Variants in APBB2 observed in about 807,000 individuals in gnomAD.
APBB2 encodes amyloid beta precursor protein binding family B member 2, also known as Fe65-like 1.
APBB2 carries 38 observed loss-of-function variants against 82.5 expected under a neutral mutation model. That is an observed-to-expected ratio of 0.46 (90% CI 0.36 to 0.60). The LOEUF is 0.60. Among genes scored for constraint, APBB2 ranks in the 20% least tolerant of loss-of-function variants. APBB2 has a pLI of 0.00. For synonymous variants in APBB2, 341 were observed against 368.2 expected, an observed-to-expected ratio of 0.93 and a Z score of 0.85; for missense variants, 772 against 972.3, an observed-to-expected ratio of 0.79 and a Z score of 2.74.
chr4:40,815,995 A>G lies in APBB2; in HGVS notation c.*97T>C. 1 of 1,393,104 alleles carries G rather than the reference A, an allele frequency of 7.2e-7. No homozygotes were observed. The highest frequency in any genetic ancestry group is 9.9e-7 in the Non-Finnish European group (1 of 1,005,644). The allele number at this position is 1,393,104 out of a possible 1,614,324, so 86.3% of individuals were successfully genotyped here. ...AGGGTAAATTCTCTGAAGACAAAGC[A>G]TCAGCAACTGGATGGAAGGTCGGAT... On this transcript the variant is annotated 3_prime_UTR_variant, in exon 18 of 18. Coordinates refer to ENST00000508593, the MANE Select transcript of APBB2 (RefSeq NM_004307.2).
At chr4:40,912,799 A>G (rs1778899486) in intron 10 of APBB2, among the ~76,000 whole-genome samples, 1 of 152,132 alleles carries the variant, frequency 6.6e-6, no homozygotes, top group South Asian at 2.1e-4. Context: ...GTAAGGGCCC[A>G]TGGAAGTCGA....
chr4:41,106,837 T>C (rs914875470), intron 2 of APBB2, among the ~76,000 whole-genome samples: 5 of 152,140 alleles, frequency 3.3e-5, no homozygotes, highest in Non-Finnish European at 7.4e-5. Flanking sequence ...TAAATACTTT[T>C]GCTTACTGGA....
intron 12 of APBB2, among the ~76,000 whole-genome samples, chr4:40,865,761 A>T (rs1763903224): frequency 6.6e-6 from 1 of 152,244 alleles, no homozygotes; most frequent in South Asian, 2.1e-4. Context: ...ACAATTTTTT[A>T]AATGGGCAAT....
At chr4:41,196,982 C>G in intron 1 of APBB2, among the ~76,000 whole-genome samples, 1 of 152,062 alleles carries the variant, frequency 6.6e-6, no homozygotes, top group Non-Finnish European at 1.5e-5. Flanking sequence ...TAGTTCTGAA[C>G]ATAGACTGAT....
intron 4 of APBB2, among the ~76,000 whole-genome samples, chr4:41,059,764 A>C (rs986764101): frequency 6.6e-6 from 1 of 152,128 alleles, no homozygotes; most frequent in African/African-American, 2.4e-5. Context: ...ATGTGGGTAA[A>C]TCTCTGTTCG....
intron 10 of APBB2, among the ~76,000 whole-genome samples, chr4:40,932,879 T>C (rs762332445): frequency 6.2e-4 from 94 of 151,714 alleles, no homozygotes; most frequent in Non-Finnish European, 1.0e-3. Flanking sequence ...TTTGTTTTGT[T>C]TCGAGATGGA....
At chr4:41,121,646 G>C (rs1347988589) in intron 2 of APBB2, among the ~76,000 whole-genome samples, 1 of 152,190 alleles carries the variant, frequency 6.6e-6, no homozygotes, top group Non-Finnish European at 1.5e-5. Flanking sequence ...ACAACAGGCT[G>C]TCTTGCCCAC....
At chr4:40,930,439 G>T (rs1473617955) in intron 10 of APBB2, among the ~76,000 whole-genome samples, 1 of 40,950 alleles carries the variant, frequency 2.4e-5, no homozygotes, top group Admixed American at 3.2e-4. Context: ...GTGTGTGTGT[G>T]TGTGTGTGTG....
At chr4:40,857,759 C>G (rs1761745179) in intron 12 of APBB2, among the ~76,000 whole-genome samples, 1 of 150,690 alleles carries the variant, frequency 6.6e-6, no homozygotes, top group Non-Finnish European at 1.5e-5. Flanking sequence ...GGTGAGCCAC[C>G]GCACCAGGCT....
chr4:41,023,996 T>A (rs1197747768), intron 5 of APBB2, among the ~76,000 whole-genome samples: 1 of 152,144 alleles, frequency 6.6e-6, no homozygotes, highest in Non-Finnish European at 1.5e-5. Context: ...CACAGACCAA[T>A]GGGACAGAAT....
Position 41,159,954 on chromosome 4 carries a change from G to GAA in APBB2, c.-416-16813_-416-16812insTT, listed in dbSNP as rs1316358916. Among the ~76,000 whole-genome samples, 382 of 89,822 alleles carry GAA rather than the reference G, an allele frequency of 4.3e-3. 6 individuals carry two copies. The highest frequency in any genetic ancestry group is 8.2e-3 in the African/African-American group (178 of 21,688). 58.9% of individuals were successfully genotyped at this position (89,822 alleles called of 152,430 possible). ...AGGAGGAGGAGGAGGAGAAGGAGAA[G>GAA]GAGAAGGAGAAGAAGAAGAAGAAGA... On this transcript the variant is annotated intron_variant, in intron 1 of 17. Coordinates refer to ENST00000508593, the MANE Select transcript of APBB2 (RefSeq NM_004307.2).
At chr4:41,031,573 G>C (rs951781408) in intron 5 of APBB2, among the ~76,000 whole-genome samples, 1 of 152,128 alleles carries the variant, frequency 6.6e-6, no homozygotes, top group African/African-American at 2.4e-5. Context: ...TTGAGCACCA[G>C]CATGAAGAAT....
chr4:40,834,639 T>G (rs1186529406), intron 12 of APBB2, among the ~76,000 whole-genome samples: 2 of 152,078 alleles, frequency 1.3e-5, no homozygotes, highest in African/African-American at 4.8e-5. Flanking sequence ...GAGATGGGGA[T>G]GTTACTCTGG....
At chr4:40,997,168 C>T (rs1465347888) in intron 6 of APBB2, among the ~76,000 whole-genome samples, 3 of 152,132 alleles carry the variant, frequency 2.0e-5, no homozygotes, top group Non-Finnish European at 4.4e-5. Flanking sequence ...TTCTTCCCTA[C>T]TATATAAACC....
In APBB2 at chr4:40,873,948, T is replaced by C. The variant is rs192507151; in HGVS notation, c.1529+16416A>G. Among the ~76,000 whole-genome samples, 3 of 152,378 alleles carry C rather than the reference T, an allele frequency of 2.0e-5. No individual in the cohort carries two copies. In the East Asian group the frequency reaches 5.8e-4, roughly 29 times the overall value. The stretch of plus-strand genomic sequence containing the variant: ...TTAATGGGGCATTACAATTGAACTC[T>C]GTTTATTTATCAAAATTTATATCCT... On this transcript the variant is annotated intron_variant, in intron 12 of 17. Transcript: ENST00000508593.
chr4:41,213,969 C>A (rs898883403), intron 1 of APBB2, among the ~76,000 whole-genome samples: 1 of 152,368 alleles, frequency 6.6e-6, no homozygotes, highest in South Asian at 2.1e-4. Context: ...GTGCGCTCTT[C>A]CCGCAGGCGC....
At chr4:41,052,732 T>C (rs1191502780) in intron 4 of APBB2, among the ~76,000 whole-genome samples, 1 of 152,046 alleles carries the variant, frequency 6.6e-6, no homozygotes, top group Non-Finnish European at 1.5e-5. Context: ...TTATACAGTG[T>C]TTCTCGTTCC....
At position 40,826,950 on chromosome 4, in the gene APBB2, C is replaced by G. The variant is rs1750151396; in HGVS notation, c.1732+182G>C. 1 of 577,956 alleles carries G rather than the reference C, an allele frequency of 1.7e-6. No individual in the cohort carries two copies. The highest frequency in any genetic ancestry group is 2.2e-5 in the South Asian group (1 of 44,982). The allele number at this position is 577,956 out of a possible 1,614,324, so 35.8% of individuals were successfully genotyped here. The stretch of plus-strand genomic sequence containing the variant: ...AACTCATCCTGGCTTTATGCCTAAC[C>G]CTAGTGATGCAAAATCAACTCTGTG... On this transcript the variant is annotated intron_variant, in intron 14 of 17. Transcript: ENST00000508593. The surrounding 1 kb of genome is among the most constrained non-coding windows in gnomAD (Gnocchi z 4.5).
intron 2 of APBB2, among the ~76,000 whole-genome samples, chr4:41,132,764 T>C (rs1367354794): frequency 6.6e-6 from 1 of 152,162 alleles, no homozygotes; most frequent in East Asian, 1.9e-4. Context: ...CCCACAAAAA[T>C]TGCTTACTTC....
Sources: gnomAD v4.1 joint callset for allele counts (sites outside exome capture counted in the v4.1 genomes callset) on GRCh38, gnomAD v4.1.1 for gene constraint, Gnocchi (gnomAD v3.1) non-coding constraint, MANE v1.5 for transcripts, NCBI Gene and HGNC (gene_info 2026-07-23, HGNC 2026-07-21) for gene names.